The following NRCAM variants were observed in gnomAD, a reference collection of about 807,000 sequenced individuals.
The protein encoded by NRCAM is NgCAM-related cell adhesion molecule.
In NRCAM, 83 loss-of-function variants were observed where a neutral mutation model predicts 156.5. The observed-to-expected ratio is 0.53, with a 90% CI of 0.44 to 0.64. The LOEUF (loss-of-function observed/expected upper bound fraction) is 0.64. NRCAM is among the 30% of genes least tolerant of loss of function. The pLI, the probability that NRCAM is intolerant of heterozygous loss-of-function variation, is 0.00. For synonymous variants in NRCAM, 538 were observed against 563.9 expected, an observed-to-expected ratio of 0.95 and a Z score of 0.65; for missense variants, 1,417 against 1,597.3, an observed-to-expected ratio of 0.89 and a Z score of 1.92.
intron 31 of NRCAM, among the ~76,000 whole-genome samples, chr7:108,159,902 G>A (rs112350817): frequency 4.6e-5 from 7 of 151,962 alleles, no homozygotes; most frequent in African/African-American, 1.7e-4. Context: ...GTCACTGAAG[G>A]GAAAATGGTC....
intron 2 of NRCAM, among the ~76,000 whole-genome samples, chr7:108,347,327 C>A (rs572453932): frequency 6.6e-6 from 1 of 152,134 alleles, no homozygotes; most frequent in Admixed American, 6.5e-5. Context: ...TGAGCCACCG[C>A]GCCCGGCTTA....
intron 3 of NRCAM, among the ~76,000 whole-genome samples, chr7:108,296,375 A>T (rs1245358162): frequency 6.6e-5 from 10 of 152,202 alleles, no homozygotes; most frequent in Admixed American, 6.5e-4. Flanking sequence ...AGTATTACTT[A>T]TGGATGAAAC....
intron 1 of NRCAM, among the ~76,000 whole-genome samples, chr7:108,427,587 AATTT>A (rs1448092947): frequency 2.6e-5 from 4 of 152,214 alleles, no homozygotes; most frequent in Non-Finnish European, 5.9e-5. Flanking sequence ...GAAGAAAAAG[AATTT>A]ATTTATGATT....
intron 1 of NRCAM, among the ~76,000 whole-genome samples, chr7:108,437,105 G>A (rs1329990386): frequency 6.6e-6 from 1 of 152,158 alleles, no homozygotes; most frequent in African/African-American, 2.4e-5. Context: ...ATGAGATCCT[G>A]TCATTTGCAA....
chr7:108,189,278 T>G (rs2069490386), intron 20 of NRCAM, among the ~76,000 whole-genome samples: 1 of 152,224 alleles, frequency 6.6e-6, no homozygotes, highest in African/African-American at 2.4e-5. Flanking sequence ...AAGACAGAGC[T>G]ATTCAGCACT....
intron 2 of NRCAM, among the ~76,000 whole-genome samples, chr7:108,320,170 G>T (rs1317540731): frequency 6.6e-6 from 1 of 152,104 alleles, no homozygotes; most frequent in Non-Finnish European, 1.5e-5. Flanking sequence ...AGTCTCTTGG[G>T]CCAGGAACAG....
At chr7:108,448,735 T>C (rs934233325) in intron 1 of NRCAM, among the ~76,000 whole-genome samples, 1 of 152,124 alleles carries the variant, frequency 6.6e-6, no homozygotes, top group South Asian at 2.1e-4. Flanking sequence ...CCATGTGCCA[T>C]ATGAAAAACT....
intron 2 of NRCAM, among the ~76,000 whole-genome samples, chr7:108,366,682 T>G (rs949061952): frequency 8.5e-5 from 13 of 152,280 alleles, no homozygotes; most frequent in Middle Eastern, 3.4e-3. Context: ...GCAGTGAGTG[T>G]CCCACAAAAA....
chr7:108,276,523 A>G (rs2154071898), intron 3 of NRCAM, among the ~76,000 whole-genome samples: 1 of 151,402 alleles, frequency 6.6e-6, no homozygotes, highest in African/African-American at 2.4e-5. Context: ...TTGTTGTTTT[A>G]AAGTCTGTTT....
intron 2 of NRCAM, among the ~76,000 whole-genome samples, chr7:108,348,070 C>G (rs914937738): frequency 6.6e-6 from 1 of 152,188 alleles, no homozygotes; most frequent in African/African-American, 2.4e-5. Flanking sequence ...CCCAAATACG[C>G]AGGTAAGAAG....
At chr7:108,162,723 G>A (rs926922000) in intron 30 of NRCAM, among the ~76,000 whole-genome samples, 13 of 152,050 alleles carry the variant, frequency 8.5e-5, no homozygotes, top group South Asian at 6.2e-4. Flanking sequence ...AAAAAGTATC[G>A]AATATTTCAC....
At chr7:108,403,596 A>G (rs1356770173) in intron 1 of NRCAM, among the ~76,000 whole-genome samples, 1 of 152,194 alleles carries the variant, frequency 6.6e-6, no homozygotes. Context: ...CAAGCAATTC[A>G]TTTGCTGGAT....
intron 3 of NRCAM, among the ~76,000 whole-genome samples, chr7:108,302,277 T>A (rs2098637925): frequency 6.6e-6 from 1 of 152,196 alleles, no homozygotes; most frequent in South Asian, 2.1e-4. Context: ...ATAATTTCAG[T>A]CTGAATTGTG....
At chr7:108,192,378 A>G (rs569748404) in intron 17 of NRCAM, among the ~76,000 whole-genome samples, 1 of 152,272 alleles carries the variant, frequency 6.6e-6, no homozygotes, top group East Asian at 1.9e-4. Context: ...TGTATATATT[A>G]CATGTAATAA....
intron 1 of NRCAM, among the ~76,000 whole-genome samples, chr7:108,433,348 T>C (rs549059139): frequency 5.9e-5 from 9 of 152,294 alleles, no homozygotes; most frequent in Non-Finnish European, 1.3e-4. Context: ...GCTCTGGCTC[T>C]AAGACAGGGA....
intron 2 of NRCAM, among the ~76,000 whole-genome samples, chr7:108,391,861 C>T (rs1051996391): frequency 9.9e-5 from 15 of 152,240 alleles, no homozygotes; most frequent in South Asian, 8.3e-4. Context: ...TATGAAATTC[C>T]GGGTTGAAAA....
At chr7:108,224,420 GAAT>G (rs2153693131) in intron 10 of NRCAM, among the ~76,000 whole-genome samples, 1 of 152,076 alleles carries the variant, frequency 6.6e-6, no homozygotes, top group South Asian at 2.1e-4. Flanking sequence ...CACAAAATAA[GAAT>G]AATGGTGGAG....
intron 13 of NRCAM, among the ~76,000 whole-genome samples, chr7:108,205,147 GT>G (rs2080444410): frequency 6.6e-6 from 1 of 152,266 alleles, no homozygotes; most frequent in Admixed American, 6.5e-5. Flanking sequence ...GGAAATGAGG[GT>G]TTCCCCCTCA....
chr7:108,209,236 T>C (rs2082777456), intron 12 of NRCAM, among the ~76,000 whole-genome samples, 185 bp downstream of exon 12: 2 of 152,312 alleles, frequency 1.3e-5, no homozygotes, highest in African/African-American at 4.8e-5. Context: ...TGAGGAAGAT[T>C]TGAACAAGTA....
Sources: gnomAD v4.1 joint callset for allele counts (sites outside exome capture counted in the v4.1 genomes callset) on GRCh38, gnomAD v4.1.1 for gene constraint, MANE v1.5 for transcripts, NCBI Gene and HGNC (gene_info 2026-07-23, HGNC 2026-07-21) for gene names.